The following CACNA1C variants were observed in gnomAD, a reference collection of about 807,000 sequenced individuals.
The protein encoded by CACNA1C is voltage-dependent L-type calcium channel subunit alpha-1C.
Under a neutral mutation model 229.0 loss-of-function variants are expected in CACNA1C, and 30 were observed. That is an observed-to-expected ratio of 0.13 (90% confidence interval 0.10 to 0.18). The LOEUF is 0.18. CACNA1C is among the 10% of genes least tolerant of loss of function. CACNA1C has a pLI of 1.00. For synonymous variants in CACNA1C, 1,114 were observed against 1,132.5 expected (o/e 0.98, Z 0.33); for missense variants, 1,658 against 2,845.0 (o/e 0.58, Z 9.49).
chr12:2,225,497 A>T (rs1201757704), intron 3 of CACNA1C, among the ~76,000 whole-genome samples: 1 of 152,238 alleles, frequency 6.6e-6, no homozygotes, highest in Non-Finnish European at 1.5e-5. Flanking sequence ...TTCTGGAGCC[A>T]AGTCATGCAA....
chr12:2,024,856 A>AT (rs1257950853), intron 1 of CACNA1C, among the ~76,000 whole-genome samples: 1 of 152,184 alleles, frequency 6.6e-6, no homozygotes, highest in Non-Finnish European at 1.5e-5. Flanking sequence ...CCAATCACCC[A>AT]TCCCTCCTCC....
chr12:2,635,540 GC>G (rs1437808979), intron 30 of CACNA1C, among the ~76,000 whole-genome samples: 1 of 115,304 alleles, frequency 8.7e-6, no homozygotes, highest in East Asian at 2.7e-4. Flanking sequence ...GCTCCTCCAT[GC>G]ACCCTTACTC....
intron 3 of CACNA1C, among the ~76,000 whole-genome samples, chr12:2,188,904 A>G (rs1204729205): frequency 6.6e-6 from 1 of 151,954 alleles, no homozygotes; most frequent in Non-Finnish European, 1.5e-5. Context: ...CATCCTGGCT[A>G]ATATGGTGAA....
chr12:2,242,619 A>G (rs2071015874), intron 3 of CACNA1C, among the ~76,000 whole-genome samples: 1 of 152,198 alleles, frequency 6.6e-6, no homozygotes, highest in Non-Finnish European at 1.5e-5. Flanking sequence ...GTCTTCCTAG[A>G]TTATTGAGGC....
At chr12:2,553,602 G>A (rs1213586462) in intron 10 of CACNA1C, among the ~76,000 whole-genome samples, 3 of 152,238 alleles carry the variant, frequency 2.0e-5, no homozygotes, top group Admixed American at 2.0e-4. Context: ...ATTTTTGGCA[G>A]ACTCTGAAGC....
chr12:2,624,366 T>C (rs1019631617), intron 29 of CACNA1C, among the ~76,000 whole-genome samples: 2 of 152,144 alleles, frequency 1.3e-5, no homozygotes, highest in Non-Finnish European at 2.9e-5. Context: ...GAAATACTTA[T>C]CCAAGGAGCA....
chr12:2,625,033 G>A (rs944219417), intron 29 of CACNA1C, among the ~76,000 whole-genome samples: 1 of 152,146 alleles, frequency 6.6e-6, no homozygotes, highest in Non-Finnish European at 1.5e-5. Flanking sequence ...GGGGCACCGG[G>A]TGCCACGCAG....
At chr12:2,434,973 C>T (rs1428082877) in intron 3 of CACNA1C, among the ~76,000 whole-genome samples, 1 of 152,202 alleles carries the variant, frequency 6.6e-6, no homozygotes, top group African/African-American at 2.4e-5. Context: ...CGTCGTCAGC[C>T]CAAGTCAACG....
chr12:2,672,998 C>T (rs1013389387), intron 38 of CACNA1C, among the ~76,000 whole-genome samples: 8 of 152,164 alleles, frequency 5.3e-5, no homozygotes, highest in Admixed American at 2.6e-4. Flanking sequence ...TTCCGTCAAT[C>T]CCTCTACTGC....
chr12:2,541,289 A>G (rs2099869579), intron 9 of CACNA1C, among the ~76,000 whole-genome samples: 1 of 152,226 alleles, frequency 6.6e-6, no homozygotes. Flanking sequence ...TTTAGATACC[A>G]GATTGGAGTC....
At position 2,387,391 on chromosome 12, in the gene CACNA1C, A is replaced by G. The variant is rs1189692194; in HGVS notation, c.478-61585A>G. The stretch of plus-strand genomic sequence containing the variant: ...TCCCAGCCATCCAGGAGGCTGACAC[A>G]GGAGAATCGCTTGAAACCGGGAGGC... On this transcript the variant is annotated intron_variant, in intron 3 of 46. Coordinates refer to ENST00000399655, the MANE Select transcript of CACNA1C (RefSeq NM_000719.7). 2.0e-5 allele frequency among the ~76,000 whole-genome samples: 3 copies of G among 152,280 alleles called. No individual in the cohort carries two copies. The East Asian group carries it at 5.8e-4, about 29-fold the overall frequency.
chr12:2,392,319 C>T (rs1298007908), intron 3 of CACNA1C, among the ~76,000 whole-genome samples: 1 of 152,178 alleles, frequency 6.6e-6, no homozygotes, highest in Non-Finnish European at 1.5e-5. Context: ...TTTTGTGCAT[C>T]TACAGTAACT....
intron 9 of CACNA1C, among the ~76,000 whole-genome samples, chr12:2,528,012 A>T (rs1196045861): frequency 6.6e-6 from 1 of 152,236 alleles, no homozygotes; most frequent in East Asian, 1.9e-4. Context: ...ATCCCTTAGT[A>T]AACTAATTCT....
In CACNA1C at chr12:2,697,534, C is replaced by T. The variant is rs2097850711; in HGVS notation, c.*6335C>T. On this transcript the variant is annotated 3_prime_UTR_variant, in exon 47 of 47. Coordinates refer to ENST00000399655, the MANE Select transcript of CACNA1C (RefSeq NM_000719.7). ...TCTCCCCTTCCCTCATGTCCTCCAG[C>T]TCAAACCCACCTTCATCCCCCAAAC... The T allele has an allele frequency of 6.6e-6, 1 of 152,192 alleles. No homozygotes were observed. Among genetic ancestry groups the T allele is most frequent in the Non-Finnish European group, 1.5e-5 (1 of 68,026 alleles). 9.4% of individuals were successfully genotyped at this position (152,192 alleles called of 1,614,324 possible).
intron 3 of CACNA1C, among the ~76,000 whole-genome samples, chr12:2,260,316 AAT>A (rs1192705698): frequency 1.3e-5 from 2 of 151,826 alleles, no homozygotes; most frequent in Non-Finnish European, 2.9e-5. Context: ...TCTCTACAAA[AAT>A]AAAAATAATT....
chr12:2,218,349 T>C (rs924563183), intron 3 of CACNA1C, among the ~76,000 whole-genome samples: 2 of 152,204 alleles, frequency 1.3e-5, no homozygotes, highest in Non-Finnish European at 2.9e-5. Flanking sequence ...GGCAAACTCA[T>C]TGACTTTTCT....
At chr12:2,243,887 G>A (rs370168088) in intron 3 of CACNA1C, among the ~76,000 whole-genome samples, 1 of 152,202 alleles carries the variant, frequency 6.6e-6, no homozygotes, top group Non-Finnish European at 1.5e-5. Context: ...CTTTTAACTT[G>A]AGGTTTTATT....
chr12:2,560,168 G>A (rs79778780), intron 11 of CACNA1C, among the ~76,000 whole-genome samples: 7,290 of 152,262 alleles, frequency 0.048, 206 homozygotes, highest in Middle Eastern at 0.061. Context: ...CACAGCAGCC[G>A]TCTAATCTAG....
In CACNA1C at chr12:2,321,604, C is replaced by A. The variant is rs575494637; in HGVS notation, c.478-127372C>A. Among the ~76,000 whole-genome samples, 60 of 152,064 alleles carry A rather than the reference C, an allele frequency of 3.9e-4. 1 individual carries two copies. The highest frequency in any genetic ancestry group is 1.3e-4 in the Admixed American group (2 of 15,266). Reference sequence around the variant, plus strand: ...TGTGTGAGCATGTGTGTGGGGAGAACAAACAACTAAGCAGGTAAACAAGTG... The same window carrying A: ...TGTGTGAGCATGTGTGTGGGGAGAAAAAACAACTAAGCAGGTAAACAAGTG... On this transcript the variant is annotated intron_variant, in intron 3 of 46. Transcript: ENST00000399655.
Sources: gnomAD v4.1 joint callset for allele counts (sites outside exome capture counted in the v4.1 genomes callset) on GRCh38, gnomAD v4.1.1 for gene constraint, MANE v1.5 for transcripts, NCBI Gene and HGNC (gene_info 2026-07-23, HGNC 2026-07-21) for gene names.